The following ACSM2A variants were observed in gnomAD, a reference collection of about 807,000 sequenced individuals.
ACSM2A encodes the protein acyl-CoA synthetase medium chain family member 2A, also known as acyl-coenzyme A synthetase ACSM2A, mitochondrial.
In ACSM2A, 72 loss-of-function variants were observed where a neutral mutation model predicts 76.6. The observed-to-expected ratio is 0.94, with a 90% confidence interval of 0.78 to 1.14. ACSM2A has a LOEUF of 1.14. ACSM2A is among the 50% of genes most tolerant of loss of function. The pLI is 0.00. For synonymous variants in ACSM2A, 249 were observed against 255.9 expected, an observed-to-expected ratio of 0.97 and a Z score of 0.26; for missense variants, 684 against 708.5, an observed-to-expected ratio of 0.97 and a Z score of 0.39.
intron 9 of ACSM2A, 77 bp downstream of exon 9, chr16:20,477,526 T>C (rs1338541556): frequency 7.2e-6 from 11 of 1,520,492 alleles, no homozygotes; most frequent in African/African-American, 1.4e-5. Context: ...CCATTGTTTA[T>C]TGAGTCAAAA....
At chr16:20,464,788 G>C (rs2012874319) in intron 2 of ACSM2A, among the ~76,000 whole-genome samples, 2 of 152,078 alleles carry the variant, frequency 1.3e-5, no homozygotes, top group Non-Finnish European at 2.9e-5. Flanking sequence ...AAAGGGAGAG[G>C]GGATGACGGG....
chr16:20,481,830 T>C (rs1293245239), intron 12 of ACSM2A: 1 of 126,476 alleles, frequency 7.9e-6, no homozygotes, highest in Non-Finnish European at 1.7e-5. Context: ...ATGTCACTTG[T>C]ACCCAATACA....
In ACSM2A at chr16:20,471,505, A is replaced by G. The variant is rs372036236; in HGVS notation, c.741-31A>G. The G allele has an allele frequency of 2.5e-6, 4 of 1,594,674 alleles. No individual in the cohort carries two copies. The South Asian group carries it at 3.4e-5, about 14-fold the overall frequency. ...ACGCATCCTAAGCATGCACCCACCT[A>G]TATGTACATGTGTTTTGTCTGTGTT... On this transcript the variant is annotated intron_variant, in intron 5 of 13. Transcript: ENST00000573854.
chr16:20,475,993 G>A (rs2013718148), intron 8 of ACSM2A: 1 of 1,214,078 alleles, frequency 8.2e-7, no homozygotes, highest in Non-Finnish European at 1.1e-6. Context: ...GAGATTTGGG[G>A]AGAGAGAAAA....
At chr16:20,473,822 C>G (rs1336503035) in intron 6 of ACSM2A, 1 of 273,652 alleles carries the variant, frequency 3.7e-6, no homozygotes, top group African/African-American at 2.3e-5. Context: ...GACTTTAAGT[C>G]TGATTAAAAA....
In ACSM2A at chr16:20,483,057, G is replaced by T; in HGVS notation, c.1510-1G>T. ...CTCTCTGGCCTTCATCTTTTTTGCA[G>T]GTGGTGAAGGCATTTGTGGTCCTGG... On this transcript the variant is annotated splice_acceptor_variant, in intron 12 of 13. Transcript: ENST00000573854. LOFTEE classifies it high-confidence loss of function. 6.2e-7 allele frequency: 1 copy of T among 1,613,468 alleles called. No homozygotes were observed.
In ACSM2A at chr16:20,480,928, G is replaced by T; in HGVS notation, c.1509+7G>T. The T allele has an allele frequency of 6.2e-7, 1 of 1,613,868 alleles. No individual in the cohort carries two copies. The highest frequency in any genetic ancestry group is 8.5e-7 in the Non-Finnish European group (1 of 1,179,856). On this transcript the variant is annotated splice_region_variant and intron_variant, in intron 12 of 13. Coordinates refer to ENST00000573854, the MANE Select transcript of ACSM2A (RefSeq NM_001308172.2). The stretch of plus-strand genomic sequence containing the variant: ...AGACCCCGTCCGAGGAGAGGTGATG[G>T]GGAAGCAGTAGCCTGGGGGTGAACA...
intron 1 of ACSM2A, among the ~76,000 whole-genome samples, chr16:20,455,896 T>C: frequency 6.6e-6 from 1 of 151,394 alleles, no homozygotes; most frequent in Non-Finnish European, 1.5e-5. Context: ...TATCTACTGC[T>C]TTCAAGAGAC....
chr16:20,476,808 G>A (rs1596669905), intron 8 of ACSM2A: 2 of 838,166 alleles, frequency 2.4e-6, no homozygotes, highest in South Asian at 9.8e-5. Flanking sequence ...ATTCTGTTGG[G>A]AAGGTTCATT....
At chr16:20,473,830 A>C in intron 6 of ACSM2A, 1 of 273,024 alleles carries the variant, frequency 3.7e-6, no homozygotes, top group Non-Finnish European at 7.2e-6. Context: ...GTCTGATTAA[A>C]AAAAAAAGAT....
intron 6 of ACSM2A, among the ~76,000 whole-genome samples, chr16:20,472,062 T>C (rs561468786): frequency 6.8e-6 from 1 of 147,342 alleles, no homozygotes; most frequent in East Asian, 1.9e-4. Context: ...TGTGTGTGTG[T>C]GTTTGTGAGT....
intron 6 of ACSM2A, 152 bp downstream of exon 6, chr16:20,471,841 T>C: frequency 3.6e-6 from 5 of 1,380,032 alleles, no homozygotes; most frequent in Admixed American, 2.3e-5. Context: ...AAATGGTCCC[T>C]GACCTCACAG....
chr16:20,471,620 A>G lies in ACSM2A; in HGVS notation c.825A>G (p.Glu275=). The change falls in exon 6 of 14, where the codon GAA becomes GAG. Residue 275 remains glutamate, a synonymous_variant. Transcript: ENST00000573854. ...WILNILCSLM[E]PWALGACTFV... ...TGAACATCTTGTGCTCACTTATGGA[A>G]CCTTGGGCATTAGGAGCATGCACAT... 2 of 1,614,088 alleles carry G rather than the reference A, an allele frequency of 1.2e-6. No homozygotes were observed. Among genetic ancestry groups the G allele is most frequent in the Non-Finnish European group, 1.7e-6 (2 of 1,179,946 alleles).
At chr16:20,474,730 G>A (rs886950181) in intron 6 of ACSM2A, among the ~76,000 whole-genome samples, 7 of 152,058 alleles carry the variant, frequency 4.6e-5, no homozygotes, top group South Asian at 2.1e-4. Context: ...ACTTAACCTT[G>A]TACATCATGG....
intron 1 of ACSM2A, among the ~76,000 whole-genome samples, chr16:20,456,828 T>TA (rs993366563): frequency 9.6e-5 from 13 of 134,988 alleles, no homozygotes; most frequent in East Asian, 2.3e-4. Flanking sequence ...GAAATTGAGA[T>TA]AAAAAAATAC....
intron 1 of ACSM2A, among the ~76,000 whole-genome samples, chr16:20,454,773 A>G (rs966181806): frequency 2.6e-5 from 4 of 151,782 alleles, no homozygotes; most frequent in African/African-American, 7.3e-5. Context: ...CCCCCCAAAA[A>G]TCACACTAGC....
At position 20,470,032 on chromosome 16, in the gene ACSM2A, T is replaced by TTCTC. The variant is rs1446608723; in HGVS notation, c.596+314_596+315insCTCT. On this transcript the variant is annotated intron_variant, in intron 4 of 13. Transcript: ENST00000573854. ...GCATCTGGTCCCCACAGGTTCAGGG[T>TTCTC]TGTCCTGGGGGTGTTATTGCCTCCA... 1.0e-3 allele frequency among the ~76,000 whole-genome samples: 152 copies of TTCTC among 151,976 alleles called. 1 individual carries two copies. The highest frequency in any genetic ancestry group is 3.4e-3 in the African/African-American group (140 of 41,442).
At chr16:20,474,298 G>A (rs2013594093) in intron 6 of ACSM2A, 1 of 214,576 alleles carries the variant, frequency 4.7e-6, no homozygotes, top group Non-Finnish European at 9.4e-6. Flanking sequence ...GCATTTAAGA[G>A]ATGATTGGGC....
chr16:20,455,106 A>C (rs1006726615), intron 1 of ACSM2A, among the ~76,000 whole-genome samples: 2 of 148,518 alleles, frequency 1.3e-5, no homozygotes, highest in Non-Finnish European at 3.0e-5. Context: ...CAAAGAAAAA[A>C]AAAATTTTCA....
Sources: allele counts gnomAD v4.1 joint callset (sites outside exome capture counted in the v4.1 genomes callset), GRCh38; gene constraint gnomAD v4.1.1; transcripts MANE v1.5; gene names NCBI Gene and HGNC (gene_info 2026-07-23, HGNC 2026-07-21).